CNBD1: variants seen among roughly 807,000 people sequenced by gnomAD.
CNBD1 encodes cyclic nucleotide-binding domain-containing protein 1.
A neutral mutation model predicts 54.4 loss-of-function variants in CNBD1; 71 were observed. The observed-to-expected ratio is 1.30, with a 90% CI of 1.08 to 1.59. The LOEUF is 1.59. CNBD1 is among the 40% of genes most tolerant of loss of function. The pLI, the probability that CNBD1 is intolerant of heterozygous loss-of-function variation, is 0.00. For missense variants in CNBD1, 659 were observed against 518.0 expected, an observed-to-expected ratio of 1.27 and a Z score of -2.64; for synonymous variants, 182 against 170.7, an observed-to-expected ratio of 1.07 and a Z score of -0.51.
At chr8:87,342,041 A>G (rs1810074950) in intron 8 of CNBD1, among the ~76,000 whole-genome samples, 1 of 152,146 alleles carries the variant, frequency 6.6e-6, no homozygotes, top group African/African-American at 2.4e-5. Context: ...TGGGAGGCCG[A>G]GGCGGGCAGA....
chr8:87,364,469 CTTT>C (rs1187951693), intron 10 of CNBD1, among the ~76,000 whole-genome samples: 1 of 147,846 alleles, frequency 6.8e-6, no homozygotes, highest in Admixed American at 6.8e-5. Context: ...TCCAATTTGT[CTTT>C]TTATTTTATT....
intron 3 of CNBD1, among the ~76,000 whole-genome samples, chr8:86,923,042 A>G (rs1308048695): frequency 1.3e-5 from 2 of 152,204 alleles, no homozygotes; most frequent in Non-Finnish European, 2.9e-5. Context: ...CTTGAGAGTG[A>G]GTTCTCCAGG....
At chr8:87,161,827 C>T (rs537957613) in intron 4 of CNBD1, among the ~76,000 whole-genome samples, 2 of 152,208 alleles carry the variant, frequency 1.3e-5, no homozygotes, top group South Asian at 4.1e-4. Flanking sequence ...AAACAGAGTA[C>T]ACATTTCACT....
At chr8:87,409,261 G>A (rs978522812) in intron 2 of CNBD1, among the ~76,000 whole-genome samples, 9 of 152,066 alleles carry the variant, frequency 5.9e-5, no homozygotes, top group African/African-American at 9.7e-5. Context: ...AAGCTTTAGT[G>A]GTCTGAATAG....
chr8:86,912,705 A>AT (rs2131816292), intron 3 of CNBD1, among the ~76,000 whole-genome samples: 1 of 152,252 alleles, frequency 6.6e-6, no homozygotes, highest in East Asian at 1.9e-4. Flanking sequence ...TTCTATTTAT[A>AT]TTTTAAAAAA....
chr8:87,232,188 C>T (rs1807457142), intron 5 of CNBD1, among the ~76,000 whole-genome samples: 1 of 152,098 alleles, frequency 6.6e-6, no homozygotes, highest in South Asian at 2.1e-4. Context: ...AGAGGGACAC[C>T]TGAGATTTTT....
At chr8:87,043,151 G>A (rs1362341234) in intron 4 of CNBD1, among the ~76,000 whole-genome samples, 1 of 152,146 alleles carries the variant, frequency 6.6e-6, no homozygotes, top group East Asian at 1.9e-4. Context: ...TGCTGGAGGG[G>A]GTTATGTGTG....
At chr8:87,105,978 C>T (rs139369511) in intron 4 of CNBD1, among the ~76,000 whole-genome samples, 10 of 152,082 alleles carry the variant, frequency 6.6e-5, no homozygotes, top group Non-Finnish European at 1.5e-4. Context: ...TCTTTGATAA[C>T]GCTGACCCTT....
chr8:86,881,566 T>A (rs1012010953), intron 1 of CNBD1, among the ~76,000 whole-genome samples: 4 of 152,162 alleles, frequency 2.6e-5, no homozygotes, highest in Non-Finnish European at 5.9e-5. Context: ...ATAGGACAGA[T>A]AAATATCATT....
intron 8 of CNBD1, among the ~76,000 whole-genome samples, chr8:87,299,123 G>C: frequency 6.6e-6 from 1 of 152,194 alleles, no homozygotes; most frequent in East Asian, 1.9e-4. Flanking sequence ...CTGTGGGTTT[G>C]CAGAGGTAAG....
At position 87,148,385 on chromosome 8, in the gene CNBD1, C is replaced by T. The variant is rs192498579; in HGVS notation, c.432-57608C>T. 2.0e-5 allele frequency among the ~76,000 whole-genome samples: 3 copies of T among 152,206 alleles called. No individual in the cohort carries two copies. The East Asian group carries it at 5.8e-4, about 29-fold the overall frequency. On this transcript the variant is annotated intron_variant, in intron 4 of 10. Coordinates refer to ENST00000518476, the MANE Select transcript of CNBD1 (RefSeq NM_173538.3). Reference sequence around the variant, plus strand: ...TCGTAAACATGTGTACAAAATTATACTTTTAAATTTGGTGATTTACCATGG... The same window carrying T: ...TCGTAAACATGTGTACAAAATTATATTTTTAAATTTGGTGATTTACCATGG...
At chr8:87,233,712 C>T (rs956856811) in intron 5 of CNBD1, among the ~76,000 whole-genome samples, 3 of 152,050 alleles carry the variant, frequency 2.0e-5, no homozygotes, top group Non-Finnish European at 4.4e-5. Flanking sequence ...TCAAGTGATT[C>T]TCCCACCTCA....
At chr8:87,384,113 A>G (rs139815251), downstream of CNBD1, among the ~76,000 whole-genome samples, 4 of 152,244 alleles carry the variant, frequency 2.6e-5, no homozygotes, top group Non-Finnish European at 4.4e-5. Flanking sequence ...TACTGATTGA[A>G]TAATATAAAA....
Position 87,279,239 on chromosome 8 carries a change from T to C in CNBD1, c.772-5439T>C, listed in dbSNP as rs114417477. ...TACACTTTAGTAAGACAAGGATGCA[T>C]TGGTAATAACTAGACTAATCAACAA... On this transcript the variant is annotated intron_variant, in intron 6 of 10. Coordinates refer to ENST00000518476, the MANE Select transcript of CNBD1 (RefSeq NM_173538.3). Among the ~76,000 whole-genome samples the C allele has an allele frequency of 7.5e-3, 1,137 of 151,458 alleles. 12 individuals are homozygous for C. Among genetic ancestry groups the C allele is most frequent in the African/African-American group, 0.026 (1,075 of 41,470 alleles).
At chr8:87,313,099 G>T (rs1482608119) in intron 8 of CNBD1, among the ~76,000 whole-genome samples, 1 of 151,934 alleles carries the variant, frequency 6.6e-6, no homozygotes, top group Non-Finnish European at 1.5e-5. Flanking sequence ...AGAAAGATGG[G>T]CAAGGATTTT....
At chr8:87,286,414 T>C (rs1808699044) in intron 7 of CNBD1, 125 bp from the exon 8 acceptor site, 1 of 584,040 alleles carries the variant, frequency 1.7e-6, no homozygotes, top group South Asian at 2.5e-5. Context: ...AAAATTCAAA[T>C]GTATTCTATA....
intron 10 of CNBD1, among the ~76,000 whole-genome samples, chr8:87,357,421 G>A (rs774094112): frequency 6.6e-6 from 1 of 152,180 alleles, no homozygotes; most frequent in Non-Finnish European, 1.5e-5. Context: ...AAGGCCTTGG[G>A]AACCCATCCC....
At chr8:87,241,267 G>GTT in intron 6 of CNBD1, among the ~76,000 whole-genome samples, 1 of 116,658 alleles carries the variant, frequency 8.6e-6, no homozygotes, top group African/African-American at 4.1e-5. Context: ...GTATTTGGAA[G>GTT]ATTTTTTTTT....
intron 4 of CNBD1, among the ~76,000 whole-genome samples, chr8:87,004,492 C>A (rs1006388681): frequency 4.3e-4 from 60 of 138,926 alleles, no homozygotes; most frequent in Non-Finnish European, 8.1e-4. Context: ...ATTGCACTCA[C>A]ACCCTTACTT....
Sources: gnomAD v4.1 joint callset for allele counts (sites outside exome capture counted in the v4.1 genomes callset) on GRCh38, gnomAD v4.1.1 for gene constraint, MANE v1.5 for transcripts, NCBI Gene and HGNC (gene_info 2026-07-23, HGNC 2026-07-21) for gene names.